PPP4R1: variants seen among roughly 807,000 people sequenced by gnomAD.
PPP4R1 encodes protein phosphatase 4 regulatory subunit 1, also known as serine/threonine-protein phosphatase 4 regulatory subunit 1.
Under a neutral mutation model 111.2 loss-of-function variants are expected in PPP4R1, and 42 were observed. The ratio of observed to expected loss-of-function variants is 0.38; its 90% CI spans 0.29 to 0.49. The LOEUF is 0.49. Among genes scored for constraint, PPP4R1 ranks in the 20% least tolerant of loss-of-function variants. The pLI is 0.97. For synonymous variants in PPP4R1, 409 were observed against 405.5 expected (o/e 1.01, Z -0.10); for missense variants, 1,012 against 1,161.6 (o/e 0.87, Z 1.87).
chr18:9,548,670 A>C (rs1465809798), intron 19 of PPP4R1, among the ~76,000 whole-genome samples: 1 of 152,316 alleles, frequency 6.6e-6, no homozygotes, highest in Non-Finnish European at 1.5e-5. Flanking sequence ...TAATCCCAGC[A>C]CTTTGGGAGG....
chr18:9,617,147 G>A (rs947832752), upstream of PPP4R1: 1 of 152,166 alleles, frequency 6.6e-6, no homozygotes, highest in Non-Finnish European at 1.5e-5. Flanking sequence ...TTACAATGCA[G>A]CTCGTGGATG....
intron 13 of PPP4R1, among the ~76,000 whole-genome samples, chr18:9,560,718 T>C (rs1014297168): frequency 2.0e-5 from 3 of 152,126 alleles, no homozygotes; most frequent in Non-Finnish European, 4.4e-5. Context: ...ATTGGCTAGA[T>C]GTGGCGGTGC....
intron 2 of PPP4R1, among the ~76,000 whole-genome samples, chr18:9,611,344 T>C (rs765264062): frequency 3.9e-5 from 6 of 152,124 alleles, no homozygotes; most frequent in Non-Finnish European, 7.4e-5. Context: ...AACCGTGTTA[T>C]AAGGGCAGCC....
intron 19 of PPP4R1, 140 bp downstream of exon 19, chr18:9,549,057 C>A (rs919490294): frequency 9.1e-7 from 1 of 1,098,194 alleles, no homozygotes; most frequent in Non-Finnish European, 1.3e-6. Context: ...GGAGAATCAC[C>A]GGAACAACTA....
At position 9,614,396 on chromosome 18, in the gene PPP4R1, G is replaced by A. The variant is rs1214731524; in HGVS notation, c.7+82C>T. 5 of 1,014,172 alleles carry A rather than the reference G, an allele frequency of 4.9e-6. No individual in the cohort carries two copies. In the Admixed American group the frequency reaches 2.4e-4, roughly 48 times the overall value. The allele number at this position is 1,014,172 out of a possible 1,614,324, so 62.8% of individuals were successfully genotyped here. ...GCGCCGGGACCCCACGCCGGCCCCGGCCCGGCAGCCACTCAGGGCTGCGGC... is the reference window on the plus strand; with the variant it reads ...GCGCCGGGACCCCACGCCGGCCCCGACCCGGCAGCCACTCAGGGCTGCGGC... On this transcript the variant is annotated intron_variant, in intron 1 of 19. Coordinates refer to ENST00000400556, the MANE Select transcript of PPP4R1 (RefSeq NM_001042388.3). The surrounding 1 kb of genome is among the most constrained non-coding windows in gnomAD (Gnocchi z 4.1).
chr18:9,595,073 A>G lies in PPP4R1; in HGVS notation c.133T>C (p.Leu45=). The G allele has an allele frequency of 6.2e-7, 1 of 1,614,044 alleles. No individual in the cohort carries two copies. Among genetic ancestry groups the G allele is most frequent in the South Asian group, 1.1e-5 (1 of 91,076 alleles). ...ALDFVSQDEM[L]TPLGRLDKYA... is the part of the protein sequence containing the mutation. ...TTGTCCAATCTCCCCAGGGGCGTCAACATTTCATCTTGTGAGACAAAGTCC... is the reference window on the plus strand; with the variant it reads ...TTGTCCAATCTCCCCAGGGGCGTCAGCATTTCATCTTGTGAGACAAAGTCC... The change falls in exon 3 of 20, where the codon TTG becomes CTG. Residue 45 remains leucine (L), a synonymous_variant. Coordinates refer to ENST00000400556, the MANE Select transcript of PPP4R1 (RefSeq NM_001042388.3).
chr18:9,555,496 A>G (rs1326980556), intron 15 of PPP4R1, among the ~76,000 whole-genome samples: 2 of 152,170 alleles, frequency 1.3e-5, no homozygotes, highest in Admixed American at 1.3e-4. Context: ...ATTCTCTATT[A>G]ACCACAAAAG....
chr18:9,610,653 A>C (rs547033745), intron 2 of PPP4R1, among the ~76,000 whole-genome samples: 1 of 151,602 alleles, frequency 6.6e-6, no homozygotes, highest in Non-Finnish European at 1.5e-5. Context: ...TTCAGTAGAC[A>C]TTTCACCATG....
At chr18:9,553,723 T>C (rs984670015) in intron 15 of PPP4R1, among the ~76,000 whole-genome samples, 2 of 152,266 alleles carry the variant, frequency 1.3e-5, no homozygotes, top group Non-Finnish European at 2.9e-5. Context: ...CCTTTATTCA[T>C]ATGACATCCT....
At chr18:9,616,595 C>T (rs2067691091), upstream of PPP4R1, among the ~76,000 whole-genome samples, 1 of 152,198 alleles carries the variant, frequency 6.6e-6, no homozygotes, top group Admixed American at 6.5e-5. Flanking sequence ...TTTATTCTAA[C>T]TGGTGGTCTC....
intron 12 of PPP4R1, among the ~76,000 whole-genome samples, chr18:9,562,681 T>C (rs1490172869): frequency 6.6e-6 from 1 of 152,212 alleles, no homozygotes; most frequent in African/African-American, 2.4e-5. Context: ...AGAACCCTCC[T>C]GCCATCCCCA....
chr18:9,565,917 T>A (rs1401638867), intron 11 of PPP4R1, among the ~76,000 whole-genome samples: 12 of 150,070 alleles, frequency 8.0e-5, no homozygotes, highest in Non-Finnish European at 1.5e-4. Context: ...AACAACAAAT[T>A]TTTTTTTTTT....
chr18:9,588,750 T>A lies in PPP4R1; in HGVS notation c.399A>T (p.Leu133=). ...CTGCAAGGTATCTAACCACAATAGG[T>A]AGTAAGAATTTTGAAAAAGCATATG... ...SIPYAFSKFL[L]PIVVRYLADQ... is the part of the protein sequence containing the mutation. Residue 133 remains leucine (L), a synonymous_variant, in exon 5 of 20, where the codon CTA becomes CTT. Transcript: ENST00000400556. 6.2e-7 allele frequency: 1 copy of A among 1,613,316 alleles called. No homozygotes were observed.
intron 2 of PPP4R1, among the ~76,000 whole-genome samples, chr18:9,598,465 G>A (rs544195970): frequency 1.3e-5 from 2 of 152,194 alleles, no homozygotes; most frequent in South Asian, 4.2e-4. Context: ...AAGAATGATA[G>A]GAGACTTTTC....
chr18:9,582,865 T>C (rs1157804195), intron 9 of PPP4R1, among the ~76,000 whole-genome samples: 1 of 152,146 alleles, frequency 6.6e-6, no homozygotes, highest in Admixed American at 6.5e-5. Context: ...TGGTTTAACA[T>C]CTAAAAATTA....
In PPP4R1 at chr18:9,550,071, G is replaced by T. The variant is rs1471357348; in HGVS notation, c.2528C>A (p.Ala843Asp). 2.8e-5 allele frequency: 45 copies of T among 1,614,068 alleles called. No individual in the cohort carries two copies. The highest frequency in any genetic ancestry group is 3.8e-5 in the Non-Finnish European group (45 of 1,180,040). The change falls in exon 18 of 20, where the codon GCC becomes GAC. Residue 843 changes from alanine to aspartate, a missense_variant. This residue lies in a region of PPP4R1 where 305 missense variants were observed against 419.5 expected (regional missense o/e 0.73). Transcript: ENST00000400556. ...GRCPKWSGRQ[A>D]FVFVCQTVIE... The stretch of plus-strand genomic sequence containing the variant: ...GCTTACCTGGCAGACAAAGACAAAG[G>T]CTTGCCGACCAGACCACTTGGGACA...
intron 16 of PPP4R1, chr18:9,551,655 G>A (rs1167311274): frequency 6.6e-6 from 1 of 152,260 alleles, no homozygotes; most frequent in African/African-American, 2.4e-5. Context: ...TTAACCTGCT[G>A]GTGGAGGGGC....
intron 6 of PPP4R1, chr18:9,587,418 T>C (rs1279425574): frequency 6.6e-6 from 1 of 151,524 alleles, no homozygotes; most frequent in Admixed American, 6.6e-5. Flanking sequence ...GTTTTGTTTT[T>C]TTAAGACAGA....
intron 2 of PPP4R1, among the ~76,000 whole-genome samples, chr18:9,601,503 G>GT (rs1172500540): frequency 6.6e-6 from 1 of 152,178 alleles, no homozygotes; most frequent in East Asian, 1.9e-4. Flanking sequence ...TCCAGCCTGG[G>GT]TGACAGAGTG....
Sources: allele counts gnomAD v4.1 joint callset (sites outside exome capture counted in the v4.1 genomes callset), GRCh38; gene constraint gnomAD v4.1.1; regional missense constraint gnomAD v4.1.1; non-coding constraint Gnocchi (gnomAD v3.1); transcripts MANE v1.5; gene names NCBI Gene and HGNC (gene_info 2026-07-23, HGNC 2026-07-21).